Variants in WDFY4 observed in about 807,000 individuals in gnomAD.
The protein encoded by WDFY4 is WD repeat- and FYVE domain-containing protein 4.
In WDFY4, 169 loss-of-function variants were observed where a neutral mutation model predicts 351.9. The observed-to-expected ratio is 0.48, with a 90% CI of 0.42 to 0.55. The LOEUF (loss-of-function observed/expected upper bound fraction) is 0.55, where lower values mean the gene tolerates loss of function less well. Among genes scored for constraint, WDFY4 ranks in the 20% least tolerant of loss-of-function variants. The probability of loss-of-function intolerance (pLI) is 0.00; values close to 1 mark genes in which losing one functional copy is unlikely to be tolerated. For missense variants in WDFY4, 3,803 were observed against 3,935.6 expected (o/e 0.97, Z 0.90); for synonymous variants, 1,622 against 1,574.6 (o/e 1.03, Z -0.71).
At chr10:48,788,798 A>T (rs373735423) in intron 21 of WDFY4, 123 bp downstream of exon 21, 1 of 1,282,428 alleles carries the variant, frequency 7.8e-7, no homozygotes, top group Admixed American at 2.8e-5. Flanking sequence ...ACACAAATAC[A>T]TGTTTCCCAC....
intron 10 of WDFY4, among the ~76,000 whole-genome samples, chr10:48,734,942 AT>A (rs3079302): frequency 8.1e-5 from 10 of 123,292 alleles, no homozygotes; most frequent in African/African-American, 2.5e-4. Flanking sequence ...TGCACGGCTA[AT>A]TTTTTTTTTT....
At chr10:48,710,055 G>A (rs2063730315) in intron 2 of WDFY4, 89 bp downstream of exon 2, 2 of 1,222,776 alleles carry the variant, frequency 1.6e-6, no homozygotes, top group African/African-American at 3.0e-5. Flanking sequence ...TGGTTTTAAT[G>A]TCATCCCAAG....
At chr10:48,876,943 T>C in intron 42 of WDFY4, 90 bp from the exon 43 acceptor site, 1 of 1,313,316 alleles carries the variant, frequency 7.6e-7, no homozygotes, top group East Asian at 2.8e-5. Flanking sequence ...GCCTTGCTGC[T>C]CCTTGGTGAT....
chr10:48,752,137 C>A (rs750214345), intron 12 of WDFY4, among the ~76,000 whole-genome samples: 4 of 152,196 alleles, frequency 2.6e-5, no homozygotes, highest in Non-Finnish European at 4.4e-5. Flanking sequence ...TGTCTCCATT[C>A]CTGCTCTGTC....
In WDFY4 at chr10:48,968,732, A is replaced by C. The variant is rs1290901537; in HGVS notation, c.8585-332A>C. Reference sequence around the variant, plus strand: ...CACCAGCATAACCAGACTTGGAATGAGGTCTGGGCAGCTCCAAATCCCGTG... The same window carrying C: ...CACCAGCATAACCAGACTTGGAATGCGGTCTGGGCAGCTCCAAATCCCGTG... On this transcript the variant is annotated intron_variant, in intron 55 of 61. Transcript: ENST00000325239. The C allele has an allele frequency of 2.3e-5, 7 of 304,230 alleles. No homozygotes were observed. The East Asian group carries it at 4.7e-4, about 20-fold the overall frequency. 18.8% of individuals were successfully genotyped at this position (304,230 alleles called of 1,614,324 possible). A position where few individuals can be genotyped will look rare whatever the true frequency, so the allele number is the denominator to read the frequency against.
At chr10:48,697,868 A>G (rs549237022) in intron 1 of WDFY4, among the ~76,000 whole-genome samples, 108 of 152,158 alleles carry the variant, frequency 7.1e-4, no homozygotes, top group Non-Finnish European at 1.4e-3. Context: ...TTTAGGTGGC[A>G]TCTTGTCCCA....
intron 1 of WDFY4, among the ~76,000 whole-genome samples, chr10:48,707,787 G>C (rs77831629): frequency 6.6e-6 from 1 of 152,070 alleles, no homozygotes; most frequent in Admixed American, 6.5e-5. Context: ...GTGTGGGTGG[G>C]GTGGGGACAC....
intron 39 of WDFY4, among the ~76,000 whole-genome samples, chr10:48,853,446 G>A (rs1182450496): frequency 6.6e-6 from 1 of 152,084 alleles, no homozygotes; most frequent in Non-Finnish European, 1.5e-5. Flanking sequence ...GCCCTCTAAT[G>A]CAATCAACAA....
intron 1 of WDFY4, among the ~76,000 whole-genome samples, chr10:48,686,778 T>C (rs2063061844): frequency 6.6e-6 from 1 of 152,220 alleles, no homozygotes; most frequent in African/African-American, 2.4e-5. Flanking sequence ...TTTTAGGTAT[T>C]TCAAGAGTTT....
intron 1 of WDFY4, among the ~76,000 whole-genome samples, chr10:48,699,594 C>G (rs960762607): frequency 1.3e-5 from 2 of 152,152 alleles, no homozygotes; most frequent in African/African-American, 4.8e-5. Flanking sequence ...CCTCAGTTTC[C>G]TCATCTGAAA....
At chr10:48,859,578 A>G (rs1241476509) in intron 39 of WDFY4, among the ~76,000 whole-genome samples, 1 of 152,154 alleles carries the variant, frequency 6.6e-6, no homozygotes, top group Non-Finnish European at 1.5e-5. Flanking sequence ...CCACTTGGCC[A>G]TTGTATATTA....
chr10:48,810,392 A>T, intron 28 of WDFY4, 138 bp from the exon 29 acceptor site: 2 of 742,606 alleles, frequency 2.7e-6, no homozygotes, highest in Non-Finnish European at 4.2e-6. Flanking sequence ...TATTCTTTTT[A>T]AATGTAATAC....
intron 44 of WDFY4, among the ~76,000 whole-genome samples, chr10:48,896,899 G>C (rs1183706565): frequency 6.6e-6 from 1 of 152,128 alleles, no homozygotes; most frequent in Non-Finnish European, 1.5e-5. Context: ...GAGAACACCT[G>C]GGCAGAGGGA....
intron 2 of WDFY4, among the ~76,000 whole-genome samples, chr10:48,719,722 G>C (rs546030721): frequency 6.6e-6 from 1 of 152,324 alleles, no homozygotes; most frequent in East Asian, 1.9e-4. Flanking sequence ...GCCATCCACC[G>C]ACGCCAGATG....
chr10:48,767,149 G>A (rs1003053200), intron 13 of WDFY4, among the ~76,000 whole-genome samples: 1 of 152,174 alleles, frequency 6.6e-6, no homozygotes, highest in Non-Finnish European at 1.5e-5. Context: ...ATGGCAGAGC[G>A]GCCACCCATT....
intron 19 of WDFY4, among the ~76,000 whole-genome samples, chr10:48,781,570 A>G (rs2066227220): frequency 6.6e-6 from 1 of 152,190 alleles, no homozygotes; most frequent in Admixed American, 6.5e-5. Flanking sequence ...TGCTGGGATA[A>G]CAGGTGTGAG....
chr10:48,940,386 G>A (rs937885501), intron 47 of WDFY4, among the ~76,000 whole-genome samples: 2 of 152,244 alleles, frequency 1.3e-5, no homozygotes, highest in Non-Finnish European at 2.9e-5. Context: ...CAGCCTGAGG[G>A]TTGCTTTCTG....
At chr10:48,691,996 T>C (rs1220956042) in intron 1 of WDFY4, among the ~76,000 whole-genome samples, 2 of 152,180 alleles carry the variant, frequency 1.3e-5, no homozygotes, top group East Asian at 3.9e-4. Context: ...AGAATGCCTG[T>C]TCTTTAGGAG....
intron 39 of WDFY4, among the ~76,000 whole-genome samples, chr10:48,857,606 A>G (rs2069180431): frequency 6.6e-6 from 1 of 152,218 alleles, no homozygotes. Context: ...TAGTATGTTC[A>G]ATATATAAAT....
Sources: gnomAD v4.1 joint callset for allele counts (sites outside exome capture counted in the v4.1 genomes callset) on GRCh38, gnomAD v4.1.1 for gene constraint, MANE v1.5 for transcripts, NCBI Gene and HGNC (gene_info 2026-07-23, HGNC 2026-07-21) for gene names.